CD58: variants seen among roughly 807,000 people sequenced by gnomAD.
CD58 encodes the protein lymphocyte function-associated antigen 3.
In CD58, 14 loss-of-function variants were observed where a neutral mutation model predicts 27.6. That is an observed-to-expected ratio of 0.51 (90% CI 0.34 to 0.79). The LOEUF is 0.79. CD58 is among the 30% of genes least tolerant of loss of function. The pLI is 0.02. For missense variants in CD58, 268 were observed against 301.7 expected, an observed-to-expected ratio of 0.89 and a Z score of 0.83; for synonymous variants, 117 against 103.8, an observed-to-expected ratio of 1.13 and a Z score of -0.77.
intron 1 of CD58, among the ~76,000 whole-genome samples, chr1:116,547,618 C>T (rs1160894716): frequency 6.6e-6 from 1 of 152,088 alleles, no homozygotes; most frequent in Non-Finnish European, 1.5e-5. Flanking sequence ...CACGAGCCAC[C>T]GCGCCTGGCC....
chr1:116,544,775 T>C (rs1170655149), intron 1 of CD58, among the ~76,000 whole-genome samples, 171 bp from the exon 2 acceptor site: 1 of 152,164 alleles, frequency 6.6e-6, no homozygotes, highest in African/African-American at 2.4e-5. Context: ...GGGACCTGCA[T>C]AAATCCAAGA....
rs1327585020 is a variant in CD58, at chr1:116,515,601, G to A, written c.744-779C>T. Among the ~76,000 whole-genome samples, 2 of 152,146 alleles carry A rather than the reference G, an allele frequency of 1.3e-5. No individual in the cohort carries two copies. The highest frequency in any genetic ancestry group is 2.9e-5 in the Non-Finnish European group (2 of 68,020). ...CAGGCACAGGATTCTTGTTGGGGCA[G>A]CTTTTTGCCGGTCTCTGCTTCCCTG... On this transcript the variant is annotated intron_variant, in intron 5 of 5. Coordinates refer to ENST00000369489, the MANE Select transcript of CD58 (RefSeq NM_001779.3). The surrounding 1 kb of genome is among the most constrained non-coding windows in gnomAD (Gnocchi z 4.6).
intron 2 of CD58, among the ~76,000 whole-genome samples, chr1:116,540,906 C>T (rs1657968739): frequency 1.3e-5 from 2 of 152,176 alleles, no homozygotes; most frequent in Admixed American, 1.3e-4. Flanking sequence ...GCCTCCTGGG[C>T]TCAAGGGATC....
At chr1:116,568,569 T>C (rs886175575) in intron 1 of CD58, among the ~76,000 whole-genome samples, 1 of 152,220 alleles carries the variant, frequency 6.6e-6, no homozygotes, top group African/African-American at 2.4e-5. Flanking sequence ...TTACTGTCTC[T>C]CTCCCTCACT....
At chr1:116,556,202 C>T (rs1289255337) in intron 1 of CD58, among the ~76,000 whole-genome samples, 12 of 135,978 alleles carry the variant, frequency 8.8e-5, no homozygotes, top group Non-Finnish European at 1.7e-4. Context: ...TTGCAGTGGC[C>T]AAGACTGTGC....
chr1:116,555,310 G>C (rs1401096006), intron 1 of CD58, among the ~76,000 whole-genome samples: 1 of 151,938 alleles, frequency 6.6e-6, no homozygotes, highest in Non-Finnish European at 1.5e-5. Context: ...AAAATTGAGA[G>C]TCTTTTTACA....
At chr1:116,540,057 T>C (rs1657944412) in intron 2 of CD58, among the ~76,000 whole-genome samples, 1 of 152,164 alleles carries the variant, frequency 6.6e-6, no homozygotes, top group Non-Finnish European at 1.5e-5. Flanking sequence ...TTAATTCTAC[T>C]TACATAAAAA....
At chr1:116,560,330 AG>A (rs1325884918) in intron 1 of CD58, among the ~76,000 whole-genome samples, 1 of 152,126 alleles carries the variant, frequency 6.6e-6, no homozygotes, top group East Asian at 1.9e-4. Flanking sequence ...TTAGGGAATA[AG>A]GTTCTTACTA....
At position 116,531,852 on chromosome 1, in the gene CD58, C is replaced by T. The variant is rs1203905656; in HGVS notation, c.628+4113G>A. 2.0e-5 allele frequency among the ~76,000 whole-genome samples: 3 copies of T among 152,206 alleles called. No individual in the cohort carries two copies. The highest frequency in any genetic ancestry group is 4.4e-5 in the Non-Finnish European group (3 of 68,046). On this transcript the variant is annotated intron_variant, in intron 3 of 5. Coordinates refer to ENST00000369489, the MANE Select transcript of CD58 (RefSeq NM_001779.3). The surrounding 1 kb of genome is among the most constrained non-coding windows in gnomAD (Gnocchi z 4.5). ...AAATGTGTTCTAAGGTTAGGCTGAG[C>T]ACTCTCTACAGGCCTGGTCAGCGCG...
In CD58 at chr1:116,544,309, A is replaced by T; in HGVS notation, c.364+2T>A. ...AAACAAATCAACTTATGGAATACTC[A>T]CCAAGCACATAAAGAAAGAACTTCA... On this transcript the variant is annotated splice_donor_variant, in intron 2 of 5. Transcript: ENST00000369489. LOFTEE classifies it high-confidence loss of function. 6.3e-7 allele frequency: 1 copy of T among 1,591,446 alleles called. No individual in the cohort carries two copies. Among genetic ancestry groups the T allele is most frequent in the Middle Eastern group, 2.3e-4 (1 of 4,374 alleles).
intron 2 of CD58, among the ~76,000 whole-genome samples, chr1:116,537,820 T>G (rs1477903680): frequency 6.6e-6 from 1 of 152,220 alleles, no homozygotes; most frequent in African/African-American, 2.4e-5. Context: ...ATATGTAATA[T>G]ACAACAATGG....
chr1:116,539,397 A>G (rs1445048045), intron 2 of CD58, among the ~76,000 whole-genome samples: 1 of 152,186 alleles, frequency 6.6e-6, no homozygotes, highest in South Asian at 2.1e-4. Context: ...TTCTACTTAC[A>G]GAGAAACGGA....
rs1301222170 is a variant in CD58 at position 116,531,491 on chromosome 1, T to C, written c.628+4474A>G. 6.6e-6 allele frequency among the ~76,000 whole-genome samples: 1 copy of C among 152,242 alleles called. No individual in the cohort carries two copies. The highest frequency in any genetic ancestry group is 1.5e-5 in the Non-Finnish European group (1 of 68,034). The stretch of plus-strand genomic sequence containing the variant: ...TGTTGTTCCCATTATAAAGCAACTA[T>C]CTGCTTTTACAACAAATTGCATTTC... On this transcript the variant is annotated intron_variant, in intron 3 of 5. Coordinates refer to ENST00000369489, the MANE Select transcript of CD58 (RefSeq NM_001779.3). The surrounding 1 kb of genome is among the most constrained non-coding windows in gnomAD (Gnocchi z 4.5).
At chr1:116,533,854 A>G (rs550708837) in intron 3 of CD58, 15 of 886,266 alleles carry the variant, frequency 1.7e-5, no homozygotes, top group Middle Eastern at 2.6e-4. Flanking sequence ...CTTGGCTTCT[A>G]TATGAGCGCA....
At position 116,559,942 on chromosome 1, in the gene CD58, G is replaced by A. The variant is rs1461225399; in HGVS notation, c.70+10961C>T. 1 of 153,992 alleles carries A rather than the reference G, an allele frequency of 6.5e-6. No homozygotes were observed. Among genetic ancestry groups the A allele is most frequent in the Non-Finnish European group, 1.5e-5 (1 of 68,042 alleles). The allele number at this position is 153,992 out of a possible 1,614,324, so 9.5% of individuals were successfully genotyped here. On this transcript the variant is annotated intron_variant, in intron 1 of 5. Transcript: ENST00000369489. The surrounding 1 kb of genome is among the most constrained non-coding windows in gnomAD (Gnocchi z 4.4). ...TAGTTCAAATGGAGATGTGTTCTGA[G>A]TATCAAATACACACCAGAATCTGAA...
chr1:116,535,912 T>C, intron 3 of CD58, 53 bp downstream of exon 3: 1 of 1,338,932 alleles, frequency 7.5e-7, no homozygotes, highest in South Asian at 1.3e-5. Context: ...CTTGTGTTAG[T>C]CACCACATCT....
In CD58 at chr1:116,570,887, G is replaced by A. The variant is rs1470090197; in HGVS notation, c.70+16C>T. On this transcript the variant is annotated intron_variant, in intron 1 of 5. Transcript: ENST00000369489. This position sits in a 1 kb window ranked among gnomAD's most constrained non-coding sequence, Gnocchi z 6.4. Reference sequence around the variant, plus strand: ...CCGCCGGCCGGCGCGGGGCCCCTGGGGCAGGCTTCACTCACCAAAGCAGTG... The same window carrying A: ...CCGCCGGCCGGCGCGGGGCCCCTGGAGCAGGCTTCACTCACCAAAGCAGTG... 6.5e-7 allele frequency: 1 copy of A among 1,546,054 alleles called. No homozygotes were observed. Among genetic ancestry groups the A allele is most frequent in the Non-Finnish European group, 8.7e-7 (1 of 1,150,204 alleles).
chr1:116,564,366 C>T (rs1165162163), intron 1 of CD58, among the ~76,000 whole-genome samples: 1 of 152,206 alleles, frequency 6.6e-6, no homozygotes, highest in Non-Finnish European at 1.5e-5. Flanking sequence ...ATTCCAATCC[C>T]TGCCTGTTAC....
chr1:116,532,903 A>G lies in CD58; in HGVS notation c.628+3062T>C, dbSNP rs1020689777. On this transcript the variant is annotated intron_variant, in intron 3 of 5. Transcript: ENST00000369489. The surrounding 1 kb of genome is among the most constrained non-coding windows in gnomAD (Gnocchi z 5.1). ...CTCCCGCTACAGGCCCGGAGTCGCG[A>G]CAGCCGGTCTGCCAGGCGCCCACCT... 8.3e-6 allele frequency: 8 copies of G among 969,424 alleles called. No individual in the cohort carries two copies. Among genetic ancestry groups the G allele is most frequent in the African/African-American group, 8.1e-5 (5 of 61,908 alleles). 60.1% of individuals were successfully genotyped at this position (969,424 alleles called of 1,614,324 possible).
Sources: allele counts gnomAD v4.1 joint callset (sites outside exome capture counted in the v4.1 genomes callset), GRCh38; gene constraint gnomAD v4.1.1; non-coding constraint Gnocchi (gnomAD v3.1); transcripts MANE v1.5; gene names NCBI Gene and HGNC (gene_info 2026-07-23, HGNC 2026-07-21).